RTF2: variants seen among roughly 807,000 people sequenced by gnomAD.
RTF2 encodes the protein replication termination factor 2.
RTF2 carries 18 observed loss-of-function variants against 38.0 expected under a neutral mutation model. The observed-to-expected ratio is 0.47, with a 90% confidence interval of 0.33 to 0.70. The LOEUF (loss-of-function observed/expected upper bound fraction) is 0.70. Ranked by LOEUF, RTF2 falls within the 30% of genes least tolerant of loss-of-function variation. RTF2 has a pLI of 0.02. For synonymous variants in RTF2, 126 were observed against 137.1 expected (o/e 0.92, Z 0.57); for missense variants, 311 against 379.6 (o/e 0.82, Z 1.50).
rs6127775 is a variant in RTF2, at chr20:56,506,763, C to T, written c.478-6552C>T. Among the ~76,000 whole-genome samples the T allele has an allele frequency of 0.028, 4,204 of 152,056 alleles. 340 individuals carry two copies. The East Asian group carries it at 0.29, about 11-fold the overall frequency. ...TCGCCCAGGCTGGAGTGCAGTGGCA[C>T]GATCTCGGCTCACTGCAAGCTCCGC... On this transcript the variant is annotated intron_variant, in intron 5 of 8. Coordinates refer to ENST00000357348, the MANE Select transcript of RTF2 (RefSeq NM_016407.5).
chr20:56,516,865 G>C, intron 6 of RTF2, 70 bp from the exon 7 acceptor site: 3 of 1,432,854 alleles, frequency 2.1e-6, no homozygotes. Context: ...CCGGGACAAT[G>C]GGCAGCCACA....
At chr20:56,474,996 G>T (rs183556416) in intron 3 of RTF2, among the ~76,000 whole-genome samples, 11 of 152,244 alleles carry the variant, frequency 7.2e-5, no homozygotes, top group Admixed American at 7.2e-4. Flanking sequence ...CCTGTGTGTT[G>T]TGCTTTGAAA....
At chr20:56,494,073 T>C (rs914804837) in intron 5 of RTF2, among the ~76,000 whole-genome samples, 1 of 152,144 alleles carries the variant, frequency 6.6e-6, no homozygotes, top group Non-Finnish European at 1.5e-5. Flanking sequence ...TGAGAATTGT[T>C]GTGAGGATTG....
At chr20:56,473,956 A>G (rs952388661) in intron 2 of RTF2, among the ~76,000 whole-genome samples, 5 of 152,198 alleles carry the variant, frequency 3.3e-5, no homozygotes, top group African/African-American at 9.7e-5. Context: ...AGAGAATGGC[A>G]GGGAATGGAG....
chr20:56,492,486 G>A (rs761226813), intron 5 of RTF2, among the ~76,000 whole-genome samples: 2 of 150,618 alleles, frequency 1.3e-5, no homozygotes, highest in Admixed American at 6.6e-5. Flanking sequence ...TTGGGAGGCC[G>A]AGGCGGGAGA....
At chr20:56,471,622 T>C (rs1279006978) in intron 1 of RTF2, 1 of 152,012 alleles carries the variant, frequency 6.6e-6, no homozygotes, top group East Asian at 1.9e-4. Flanking sequence ...AGTACAGATA[T>C]GTAAAAACTT....
chr20:56,507,892 C>T (rs1431482803), intron 5 of RTF2, among the ~76,000 whole-genome samples: 3 of 152,218 alleles, frequency 2.0e-5, no homozygotes, highest in African/African-American at 7.2e-5. Context: ...GAAAGCTCTA[C>T]TCAGACCTCC....
intron 6 of RTF2, among the ~76,000 whole-genome samples, chr20:56,515,182 G>A (rs1046909889): frequency 2.6e-5 from 4 of 152,036 alleles, no homozygotes; most frequent in African/African-American, 9.7e-5. Flanking sequence ...AAAAAAAGAG[G>A]GAAACTAAGT....
intron 5 of RTF2, among the ~76,000 whole-genome samples, chr20:56,484,999 C>A (rs1982717906): frequency 6.6e-6 from 1 of 152,188 alleles, no homozygotes; most frequent in South Asian, 2.1e-4. Flanking sequence ...GCCATCGTCT[C>A]TTCTAGGCAC....
intron 4 of RTF2, among the ~76,000 whole-genome samples, chr20:56,479,526 A>T (rs1982423313): frequency 6.6e-6 from 1 of 152,192 alleles, no homozygotes; most frequent in Admixed American, 6.5e-5. Context: ...CAGCGGGCCA[A>T]ATCACAGATG....
At position 56,507,930 on chromosome 20, in the gene RTF2, C is replaced by T. The variant is rs377234494; in HGVS notation, c.478-5385C>T. ...TAGCGTGAGACTTCCCAGGGAACCTCCTCTAGCAGAGCAGGCTGTCCCTCC... is the reference window on the plus strand; with the variant it reads ...TAGCGTGAGACTTCCCAGGGAACCTTCTCTAGCAGAGCAGGCTGTCCCTCC... On this transcript the variant is annotated intron_variant, in intron 5 of 8. Transcript: ENST00000357348. 1.4e-4 allele frequency among the ~76,000 whole-genome samples: 21 copies of T among 152,304 alleles called. No homozygotes were observed. The South Asian group carries it at 2.5e-3, about 18-fold the overall frequency.
rs1193749322 is a variant in RTF2, at chr20:56,519,073, C to T, written c.*808C>T. On this transcript the variant is annotated 3_prime_UTR_variant, in exon 9 of 9. Transcript: ENST00000357348. ...TTTATCTGCCTATAAGTTGTGTTGA[C>T]GTCAATAGCTAGTGAAACTTCTCAT... 1 of 152,164 alleles carries T rather than the reference C, an allele frequency of 6.6e-6. No homozygotes were observed. The highest frequency in any genetic ancestry group is 6.5e-5 in the Admixed American group (1 of 15,268). 9.4% of individuals were successfully genotyped at this position (152,164 alleles called of 1,614,324 possible).
At chr20:56,483,940 GATTT>G (rs1276935949) in intron 4 of RTF2, among the ~76,000 whole-genome samples, 167 bp from the exon 5 acceptor site, 1 of 151,896 alleles carries the variant, frequency 6.6e-6, no homozygotes. Flanking sequence ...GGATATAACT[GATTT>G]ATTTCTTTTT....
At chr20:56,511,636 T>A (rs1043729035) in intron 5 of RTF2, among the ~76,000 whole-genome samples, 1 of 152,074 alleles carries the variant, frequency 6.6e-6, no homozygotes, top group East Asian at 1.9e-4. Flanking sequence ...TAACTCTCTG[T>A]GGGGGGGCCA....
intron 1 of RTF2, 50 bp downstream of exon 1, chr20:56,468,816 C>G: frequency 6.8e-7 from 1 of 1,471,544 alleles, no homozygotes; most frequent in Non-Finnish European, 9.3e-7. Context: ...GGGAATTTGA[C>G]GACCCCAGAA....
intron 5 of RTF2, among the ~76,000 whole-genome samples, chr20:56,484,746 C>A (rs1308946919): frequency 6.6e-6 from 1 of 152,230 alleles, no homozygotes; most frequent in African/African-American, 2.4e-5. Flanking sequence ...AGCCTCAGCT[C>A]ACGTGGAGGA....
chr20:56,507,630 G>A (rs181537918), intron 5 of RTF2, among the ~76,000 whole-genome samples: 4 of 152,228 alleles, frequency 2.6e-5, no homozygotes, highest in African/African-American at 4.8e-5. Flanking sequence ...GAAGGAGACC[G>A]CTTACCCCAA....
chr20:56,470,083 C>T (rs969662783), intron 1 of RTF2, among the ~76,000 whole-genome samples: 1 of 152,176 alleles, frequency 6.6e-6, no homozygotes, highest in Non-Finnish European at 1.5e-5. Context: ...TACCATGTGT[C>T]AGCCACATAA....
At position 56,477,036 on chromosome 20, in the gene RTF2, G is replaced by A. The variant is rs1173663078; in HGVS notation, c.310G>A (p.Gly104Arg). The part of the protein sequence containing the change: ...SDNPAWEGDK[G>R]NTKGDKHDDL... Reference sequence around the variant, plus strand: ...TAATCCTGCCTGGGAAGGGGATAAAGGAAACACTAAAGGTGACAAGCACGA... The same window carrying A: ...TAATCCTGCCTGGGAAGGGGATAAAAGAAACACTAAAGGTGACAAGCACGA... The change falls in exon 4 of 9, where the codon GGA becomes AGA. Residue 104 changes from glycine to arginine, a missense_variant. Transcript: ENST00000357348. 1 of 1,614,014 alleles carries A rather than the reference G, an allele frequency of 6.2e-7. No homozygotes were observed. Among genetic ancestry groups the A allele is most frequent in the Non-Finnish European group, 8.5e-7 (1 of 1,180,016 alleles).
Sources: allele counts gnomAD v4.1 joint callset (sites outside exome capture counted in the v4.1 genomes callset), GRCh38; gene constraint gnomAD v4.1.1; transcripts MANE v1.5; gene names NCBI Gene and HGNC (gene_info 2026-07-23, HGNC 2026-07-21).